Variants in ZHX3 observed in about 807,000 individuals in gnomAD.
ZHX3 encodes zinc fingers and homeoboxes 3, also known as zinc fingers and homeoboxes protein 3.
In ZHX3, 20 loss-of-function variants were observed where a neutral mutation model predicts 64.5. The ratio of observed to expected loss-of-function variants is 0.31; its 90% CI spans 0.22 to 0.45. The LOEUF (loss-of-function observed/expected upper bound fraction) is 0.45, where lower values mean the gene tolerates loss of function less well. Among genes scored for constraint, ZHX3 ranks in the 20% least tolerant of loss-of-function variants. The pLI is 1.00. For missense variants in ZHX3, 1,041 were observed against 1,195.8 expected, an observed-to-expected ratio of 0.87 and a Z score of 1.91; for synonymous variants, 423 against 461.6, an observed-to-expected ratio of 0.92 and a Z score of 1.07.
intron 1 of ZHX3, among the ~76,000 whole-genome samples, chr20:41,307,739 T>C (rs1343298996): frequency 6.6e-6 from 1 of 152,208 alleles, no homozygotes; most frequent in Non-Finnish European, 1.5e-5. Context: ...AACTTCAAGA[T>C]CCAGTCTGAA....
At chr20:41,305,783 C>CA (rs1164540020) in intron 1 of ZHX3, among the ~76,000 whole-genome samples, 5 of 150,880 alleles carry the variant, frequency 3.3e-5, no homozygotes, top group Admixed American at 1.3e-4. Flanking sequence ...GACTCTGTCT[C>CA]AAAAAAAATA....
chr20:41,208,864 T>G (rs1051073184), intron 2 of ZHX3, among the ~76,000 whole-genome samples: 5 of 152,072 alleles, frequency 3.3e-5, no homozygotes, highest in Admixed American at 2.0e-4. Context: ...GAGAAAGAAA[T>G]AAAGGTTATT....
chr20:41,288,362 G>A (rs1484880888), intron 1 of ZHX3, among the ~76,000 whole-genome samples: 1 of 152,142 alleles, frequency 6.6e-6, no homozygotes, highest in African/African-American at 2.4e-5. Context: ...AAATCTCCAT[G>A]GTGGTAGTGA....
At chr20:41,193,602 G>A (rs1208375208) in intron 3 of ZHX3, among the ~76,000 whole-genome samples, 1 of 151,584 alleles carries the variant, frequency 6.6e-6, no homozygotes, top group Non-Finnish European at 1.5e-5. Flanking sequence ...AAATACAAAT[G>A]ATTTTTTTTG....
At chr20:41,240,002 C>CT (rs973655327) in intron 2 of ZHX3, among the ~76,000 whole-genome samples, 2,062 of 144,788 alleles carry the variant, frequency 0.014, 33 homozygotes, top group African/African-American at 0.038. Context: ...TAGGCCATTC[C>CT]TTTTTTTTTT....
At chr20:41,269,479 G>A (rs2043021375) in intron 1 of ZHX3, 1 of 152,132 alleles carries the variant, frequency 6.6e-6, no homozygotes, top group Non-Finnish European at 1.5e-5. Context: ...TTTTCCTGGT[G>A]TGGATTCTAG....
intron 2 of ZHX3, among the ~76,000 whole-genome samples, chr20:41,251,926 G>A (rs932306353): frequency 5.9e-5 from 9 of 151,648 alleles, no homozygotes; most frequent in African/African-American, 2.2e-4. Context: ...TATCACTAAG[G>A]GAATCTCAAT....
chr20:41,275,668 A>T (rs561115861), intron 1 of ZHX3, among the ~76,000 whole-genome samples: 1 of 152,336 alleles, frequency 6.6e-6, no homozygotes, highest in East Asian at 1.9e-4. Flanking sequence ...TTTGCCACAA[A>T]TTCTTCCAGA....
In ZHX3 at chr20:41,202,092, A is replaced by G; in HGVS notation, c.2825T>C (p.Phe942Ser). The part of the protein sequence containing the change: ...PRVPEASSEP[F>S]DTSSPQAGRQ... ...TCCAGCCTGGGGACTCGATGTGTCAAAGGGCTCTGAGCTGGCCTCAGGGAC... is the reference window on the plus strand; with the variant it reads ...TCCAGCCTGGGGACTCGATGTGTCAGAGGGCTCTGAGCTGGCCTCAGGGAC... Residue 942 changes from phenylalanine (F) to serine (S), a missense_variant, in exon 3 of 4, where the codon TTT becomes TCT. By Grantham distance (155) the Phe-to-Ser change is radical. Coordinates refer to ENST00000683867, the MANE Select transcript of ZHX3 (RefSeq NM_001384317.1). The surrounding 1 kb of genome is among the most constrained non-coding windows in gnomAD (Gnocchi z 7.0). 6.2e-7 allele frequency: 1 copy of G among 1,611,364 alleles called. No individual in the cohort carries two copies. The highest frequency in any genetic ancestry group is 1.1e-5 in the South Asian group (1 of 90,646).
At chr20:41,210,264 T>G (rs2039057821) in intron 2 of ZHX3, among the ~76,000 whole-genome samples, 1 of 152,198 alleles carries the variant, frequency 6.6e-6, no homozygotes, top group African/African-American at 2.4e-5. Context: ...GTAAACTAGT[T>G]CAACCATTGT....
At chr20:41,294,478 C>T (rs1265720471) in intron 1 of ZHX3, among the ~76,000 whole-genome samples, 1 of 152,142 alleles carries the variant, frequency 6.6e-6, no homozygotes, top group Non-Finnish European at 1.5e-5. Flanking sequence ...TCTCCTGCCT[C>T]AGCCTCCCGA....
chr20:41,237,931 C>G (rs946707669), intron 2 of ZHX3, among the ~76,000 whole-genome samples: 1 of 152,112 alleles, frequency 6.6e-6, no homozygotes, highest in African/African-American at 2.4e-5. Flanking sequence ...AAAACACAGC[C>G]CTGGCTTACA....
In ZHX3 at chr20:41,203,684, T is replaced by A. The variant is rs1419186637; in HGVS notation, c.1233A>T (p.Pro411=). The A allele has an allele frequency of 6.2e-7, 1 of 1,614,162 alleles. No homozygotes were observed. Among genetic ancestry groups the A allele is most frequent in the Non-Finnish European group, 8.5e-7 (1 of 1,180,008 alleles). The change falls in exon 3 of 4, where the codon CCA becomes CCT. Residue 411 remains proline, a synonymous_variant. Coordinates refer to ENST00000683867, the MANE Select transcript of ZHX3 (RefSeq NM_001384317.1). This position sits in a 1 kb window ranked among gnomAD's most constrained non-coding sequence, Gnocchi z 7.1. ...NVQHLIQAAL[P]GHVVGQPEGT... is the part of the protein sequence containing the mutation. The stretch of plus-strand genomic sequence containing the variant: ...CCTCTGGCTGCCCCACAACGTGACC[T>A]GGAAGAGCGGCCTGGATGAGATGCT...
In ZHX3 at chr20:41,224,820, T is replaced by A. The variant is rs556903359; in HGVS notation, c.-150-19754A>T. On this transcript the variant is annotated intron_variant, in intron 2 of 3. Transcript: ENST00000683867. This position sits in a 1 kb window ranked among gnomAD's most constrained non-coding sequence, Gnocchi z 5.2. ...TGTTAGACTTTCTCTGAACATCCTA[T>A]CTAAATGTCTTTGGGGGCTCCCCCA... Among the ~76,000 whole-genome samples, 1 of 152,262 alleles carries A rather than the reference T, an allele frequency of 6.6e-6. No homozygotes were observed. The highest frequency in any genetic ancestry group is 1.5e-5 in the Non-Finnish European group (1 of 68,044).
At position 41,202,656 on chromosome 20, in the gene ZHX3, T is replaced by G; in HGVS notation, c.2261A>C (p.Asp754Ala). 1 of 1,614,046 alleles carries G rather than the reference T, an allele frequency of 6.2e-7. No homozygotes were observed. Among genetic ancestry groups the G allele is most frequent in the South Asian group, 1.1e-5 (1 of 91,080 alleles). ...CTGCTCTGCCAGTTTGTTTGACTCA[T>G]CATCCTCAGGGTCACAGGCACCCAG... ...PGLGACDPED[D>A]ESNKLAEQLP... is the part of the protein sequence containing the mutation. The change falls in exon 3 of 4, where the codon GAT becomes GCT. Residue 754 changes from aspartate (D) to alanine (A), a missense_variant. Asp to Ala is a moderately radical substitution (Grantham distance 126, BLOSUM62 -2). Around this residue, in one of 4 missense-constraint regions of ZHX3, gnomAD observed 649 missense variants for 739.8 expected, o/e 0.88. Transcript: ENST00000683867. The surrounding 1 kb of genome is among the most constrained non-coding windows in gnomAD (Gnocchi z 7.0).
intron 2 of ZHX3, among the ~76,000 whole-genome samples, chr20:41,230,357 C>T (rs1179993283): frequency 6.6e-6 from 1 of 152,132 alleles, no homozygotes; most frequent in Non-Finnish European, 1.5e-5. Flanking sequence ...CATCTGAAAG[C>T]TCCTCTCCTC....
intron 2 of ZHX3, among the ~76,000 whole-genome samples, chr20:41,227,112 C>A (rs903368173): frequency 2.6e-4 from 39 of 152,338 alleles, no homozygotes; most frequent in East Asian, 5.8e-4. Flanking sequence ...TGCTGCCCAA[C>A]TAATGGGACC....
Position 41,181,406 on chromosome 20 carries a change from A to C in ZHX3, c.*3785T>G, listed in dbSNP as rs1291100415. On this transcript the variant is annotated 3_prime_UTR_variant, in exon 4 of 4. Transcript: ENST00000683867. ...AGAAAAAAGAGAAGATGACTTTAGG[A>C]AAATCCTAAACGAGGTTTGGTTTTA... 6.6e-6 allele frequency: 1 copy of C among 152,236 alleles called. No individual in the cohort carries two copies. Among genetic ancestry groups the C allele is most frequent in the Non-Finnish European group, 1.5e-5 (1 of 68,032 alleles). The allele number at this position is 152,236 out of a possible 1,614,324, so 9.4% of individuals were successfully genotyped here. A position where few individuals can be genotyped will look rare whatever the true frequency, so the allele number is the denominator to read the frequency against.
At chr20:41,261,908 A>G (rs957386119) in intron 2 of ZHX3, among the ~76,000 whole-genome samples, 6 of 152,038 alleles carry the variant, frequency 3.9e-5, no homozygotes, top group Admixed American at 3.3e-4. Context: ...CCTAAAATAA[A>G]CTTTCCCCTG....
Sources: allele counts gnomAD v4.1 joint callset (sites outside exome capture counted in the v4.1 genomes callset), GRCh38; gene constraint gnomAD v4.1.1; regional missense constraint gnomAD v4.1.1; non-coding constraint Gnocchi (gnomAD v3.1); transcripts MANE v1.5; gene names NCBI Gene and HGNC (gene_info 2026-07-23, HGNC 2026-07-21).